PRKN: variants seen among roughly 807,000 people sequenced by gnomAD.
PRKN encodes the protein E3 ubiquitin-protein ligase parkin.
In PRKN, 56 loss-of-function variants were observed where a neutral mutation model predicts 59.5. The ratio of observed to expected loss-of-function variants is 0.94; its 90% CI spans 0.76 to 1.18. PRKN has a LOEUF of 1.18. Among genes scored for constraint, PRKN ranks in the 50% most tolerant of loss-of-function variants. The pLI is 0.00. For missense variants in PRKN, 657 were observed against 596.4 expected (o/e 1.10, Z -1.06); for synonymous variants, 250 against 222.1 (o/e 1.13, Z -1.12).
chr6:161,942,038 G>A (rs1779586108), intron 6 of PRKN, among the ~76,000 whole-genome samples: 1 of 152,118 alleles, frequency 6.6e-6, no homozygotes, highest in Non-Finnish European at 1.5e-5. Context: ...CATGAACAGA[G>A]AAGAAAACAA....
At chr6:161,609,644 A>T (rs1347060691) in intron 7 of PRKN, among the ~76,000 whole-genome samples, 1 of 152,180 alleles carries the variant, frequency 6.6e-6, no homozygotes, top group Non-Finnish European at 1.5e-5. Flanking sequence ...ATAATACATG[A>T]ACTTTCCTTT....
At chr6:162,059,233 T>C (rs754774706) in intron 4 of PRKN, among the ~76,000 whole-genome samples, 9 of 152,212 alleles carry the variant, frequency 5.9e-5, no homozygotes, top group Non-Finnish European at 1.2e-4. Flanking sequence ...AGAAAACTCA[T>C]TCACACATTC....
chr6:162,717,601 G>C (rs1584109304), intron 1 of PRKN, among the ~76,000 whole-genome samples: 2 of 149,256 alleles, frequency 1.3e-5, no homozygotes, highest in South Asian at 4.2e-4. Context: ...TTTGGACTTT[G>C]GGCCTCCAGA....
rs1554275720 is a variant in PRKN at position 161,554,753 on chromosome 6, T to TATAC, written c.934-5751_934-5750insGTAT. Reference sequence around the variant, plus strand: ...GTGTGTGTATATATATATATATATATACATACACACTTATATTTATACATA... The same window carrying TATAC: ...GTGTGTGTATATATATATATATATATATACACATACACACTTATATTTATACATA... On this transcript the variant is annotated intron_variant, in intron 8 of 11. Coordinates refer to ENST00000366898, the MANE Select transcript of PRKN (RefSeq NM_004562.3). The surrounding 1 kb of genome is among the most constrained non-coding windows in gnomAD (Gnocchi z 4.5). Among the ~76,000 whole-genome samples, 5 of 150,228 alleles carry TATAC rather than the reference T, an allele frequency of 3.3e-5. No individual in the cohort carries two copies. Among genetic ancestry groups the TATAC allele is most frequent in the African/African-American group, 1.2e-4 (5 of 40,854 alleles).
chr6:161,372,112 GGGAAAT>G lies in PRKN; in HGVS notation c.1168-11913_1168-11908del, dbSNP rs1035122919. On this transcript the variant is annotated intron_variant, in intron 10 of 11. Transcript: ENST00000366898. This position sits in a 1 kb window ranked among gnomAD's most constrained non-coding sequence, Gnocchi z 4.2. ...TATCAACCTATTTTGAGATTAATGG[GGGAAAT>G]GGAACAACATAAATATTAAGTAGCA... Among the ~76,000 whole-genome samples, 3 of 152,156 alleles carry G rather than the reference GGGAAAT, an allele frequency of 2.0e-5. No individual in the cohort carries two copies. Among genetic ancestry groups the G allele is most frequent in the African/African-American group, 7.2e-5 (3 of 41,440 alleles).
At chr6:162,679,455 ATTGTT>A (rs1052363295) in intron 1 of PRKN, among the ~76,000 whole-genome samples, 1 of 152,132 alleles carries the variant, frequency 6.6e-6, no homozygotes, top group Non-Finnish European at 1.5e-5. Flanking sequence ...CAGTTTATAA[ATTGTT>A]TTATTTATGA....
intron 1 of PRKN, among the ~76,000 whole-genome samples, chr6:162,543,983 C>A (rs1779022568): frequency 6.6e-6 from 1 of 152,110 alleles, no homozygotes; most frequent in African/African-American, 2.4e-5. Flanking sequence ...TTAGCAAAAT[C>A]AAAATTCTTC....
At chr6:161,859,638 G>A (rs1583259040) in intron 6 of PRKN, among the ~76,000 whole-genome samples, 1 of 128,764 alleles carries the variant, frequency 7.8e-6, no homozygotes, top group South Asian at 2.7e-4. Flanking sequence ...AAGAGAAAGA[G>A]CATTTCTTGT....
At chr6:161,924,217 GC>G (rs1778884589) in intron 6 of PRKN, among the ~76,000 whole-genome samples, 1 of 152,058 alleles carries the variant, frequency 6.6e-6, no homozygotes, top group Non-Finnish European at 1.5e-5. Context: ...TCTACTTACT[GC>G]CCCTATCACA....
chr6:162,261,804 ATCGAAAATTTTTAAGT>A (rs1407055308), intron 3 of PRKN, among the ~76,000 whole-genome samples: 1 of 152,132 alleles, frequency 6.6e-6, no homozygotes, highest in Non-Finnish European at 1.5e-5. Flanking sequence ...TTGCAAGATC[ATCGAAAATTTTTAAGT>A]TCCTTAAATT....
intron 6 of PRKN, among the ~76,000 whole-genome samples, chr6:161,902,550 T>TTATC (rs57159402): frequency 0.029 from 2,973 of 101,068 alleles, 129 homozygotes; most frequent in East Asian, 0.17. Context: ...ATCTATCTAT[T>TTATC]TATTTATTTA....
chr6:162,509,520 A>C (rs1179005704), intron 1 of PRKN, among the ~76,000 whole-genome samples: 2 of 152,208 alleles, frequency 1.3e-5, no homozygotes, highest in African/African-American at 2.4e-5. Flanking sequence ...ACATTCTCTC[A>C]GGTAAATCAT....
intron 3 of PRKN, among the ~76,000 whole-genome samples, chr6:162,258,070 T>G (rs1368434805): frequency 1.3e-5 from 2 of 152,134 alleles, no homozygotes; most frequent in African/African-American, 2.4e-5. Context: ...CCTCTGCCAT[T>G]TGGCACACAA....
intron 2 of PRKN, among the ~76,000 whole-genome samples, chr6:162,355,721 A>T (rs1035032580): frequency 8.6e-5 from 13 of 151,952 alleles, no homozygotes; most frequent in Non-Finnish European, 1.9e-4. Flanking sequence ...ATTAAAAAAA[A>T]AAAACATGGT....
intron 1 of PRKN, among the ~76,000 whole-genome samples, chr6:162,550,661 T>A (rs1014428135): frequency 3.3e-5 from 5 of 152,174 alleles, no homozygotes; most frequent in African/African-American, 1.2e-4. Context: ...AGAGTCTATT[T>A]TATTAATATC....
rs148013466 is a variant in PRKN at position 161,361,410 on chromosome 6, T to C, written c.1168-1205A>G. On this transcript the variant is annotated intron_variant, in intron 10 of 11. Transcript: ENST00000366898. The surrounding 1 kb of genome is among the most constrained non-coding windows in gnomAD (Gnocchi z 5.2). ...CCCCAGTTTCTGGCATAGAATCTGG[T>C]ACACAGCAGGCGATCAGTACATTTC... 3.8e-3 allele frequency among the ~76,000 whole-genome samples: 586 copies of C among 152,302 alleles called. 4 individuals are homozygous for C. Among genetic ancestry groups the C allele is most frequent in the African/African-American group, 0.014 (564 of 41,562 alleles).
In PRKN at chr6:161,775,250, CT is replaced by C. The variant is rs545755404; in HGVS notation, c.871+10521del. On this transcript the variant is annotated intron_variant, in intron 7 of 11. Transcript: ENST00000366898. ...TATTTTATGCTTTAAGTTAGCAATTCTTTTTTTTTTAAGACAGGGTCTCACT... is the reference window on the plus strand; with the variant it reads ...TATTTTATGCTTTAAGTTAGCAATTCTTTTTTTTTAAGACAGGGTCTCACT... 5.9e-3 allele frequency among the ~76,000 whole-genome samples: 879 copies of C among 148,596 alleles called. 3 individuals are homozygous for C. The highest frequency in any genetic ancestry group is 0.013 in the East Asian group (64 of 5,092).
Position 161,461,314 on chromosome 6 carries a change from T to C in PRKN, c.1084-74437A>G, listed in dbSNP as rs1790212826. Among the ~76,000 whole-genome samples, 1 of 151,800 alleles carries C rather than the reference T, an allele frequency of 6.6e-6. No homozygotes were observed. The highest frequency in any genetic ancestry group is 1.5e-5 in the Non-Finnish European group (1 of 67,978). On this transcript the variant is annotated intron_variant, in intron 9 of 11. Coordinates refer to ENST00000366898, the MANE Select transcript of PRKN (RefSeq NM_004562.3). The surrounding 1 kb of genome is among the most constrained non-coding windows in gnomAD (Gnocchi z 5.1). ...GTGTCGCTGGAGATGAGGGGGATGG[T>C]GGAGAGGGAGGGTAGGTGGAAGATG... is the stretch of plus-strand genomic sequence containing the variant.
rs902759544 is a variant in PRKN at position 161,895,552 on chromosome 6, C to T, written c.734+77750G>A. On this transcript the variant is annotated intron_variant, in intron 6 of 11. Transcript: ENST00000366898. The stretch of plus-strand genomic sequence containing the variant: ...GTGAGGCTTCTGAGATTCAGGAGCA[C>T]GCCCACCCCACCTGCCGTTATACAC... Among the ~76,000 whole-genome samples, 16 of 112,678 alleles carry T rather than the reference C, an allele frequency of 1.4e-4. 1 individual carries two copies. Among genetic ancestry groups the T allele is most frequent in the Admixed American group, 3.7e-4 (4 of 10,930 alleles). The allele number at this position is 112,678 out of a possible 152,430, so 73.9% of individuals were successfully genotyped here.
Sources: allele counts gnomAD v4.1 joint callset (sites outside exome capture counted in the v4.1 genomes callset), GRCh38; gene constraint gnomAD v4.1.1; non-coding constraint Gnocchi (gnomAD v3.1); transcripts MANE v1.5; gene names NCBI Gene and HGNC (gene_info 2026-07-23, HGNC 2026-07-21).